EVC2: variants seen among roughly 807,000 people sequenced by gnomAD.
EVC2 encodes EvC ciliary complex subunit 2.
EVC2 carries 148 observed loss-of-function variants against 149.3 expected under a neutral mutation model. The observed-to-expected ratio is 0.99, with a 90% CI of 0.87 to 1.14. The LOEUF (loss-of-function observed/expected upper bound fraction) is 1.14. Among genes scored for constraint, EVC2 ranks in the 50% most tolerant of loss-of-function variants. The pLI is 0.00. For missense variants in EVC2, 1,854 were observed against 1,627.3 expected (o/e 1.14, Z -2.40); for synonymous variants, 776 against 649.9 (o/e 1.19, Z -2.95).
chr4:5,551,287 GAC>G (rs1256076039), intron 21 of EVC2, among the ~76,000 whole-genome samples: 1 of 152,236 alleles, frequency 6.6e-6, no homozygotes, highest in East Asian at 1.9e-4. Flanking sequence ...GCCCTTCAAA[GAC>G]ACAGGGGTAG....
the EVC2 span, among the ~76,000 whole-genome samples, chr4:5,531,069 C>T: frequency 1.3e-5 from 2 of 152,134 alleles, no homozygotes; most frequent in African/African-American, 2.4e-5. Context: ...TGTTATTACC[C>T]TCCCAACTTT....
Position 5,625,783 on chromosome 4 carries a change from A to G in EVC2, c.2012T>C (p.Leu671Ser). The G allele has an allele frequency of 1.2e-6, 2 of 1,614,002 alleles. No homozygotes were observed. Among genetic ancestry groups the G allele is most frequent in the East Asian group, 4.5e-5 (2 of 44,860 alleles). Residue 671 changes from leucine (L) to serine (S), a missense_variant, in exon 13 of 22, where the codon TTA (leucine) becomes TCA (serine). By Grantham distance (145) the Leu-to-Ser change is moderately radical. Transcript: ENST00000344408. The surrounding 1 kb of genome is among the most constrained non-coding windows in gnomAD (Gnocchi z 4.0). The stretch of plus-strand genomic sequence containing the variant: ...CAACTCTCGTCTTCTCTTAGTTATT[A>G]ATTTTTGGTGGAGCTTTTTCTTTTC... ...KQEKKKLHQK[L>S]ITKRRRELLQ...
At chr4:5,549,516 G>A (rs1721693833) in intron 21 of EVC2, among the ~76,000 whole-genome samples, 2 of 152,144 alleles carry the variant, frequency 1.3e-5, no homozygotes, top group African/African-American at 2.4e-5. Context: ...TTTTCCAGCT[G>A]ATGTGCTCAT....
chr4:5,577,988 G>A (rs1723036269), intron 17 of EVC2, among the ~76,000 whole-genome samples: 1 of 152,098 alleles, frequency 6.6e-6, no homozygotes, highest in Non-Finnish European at 1.5e-5. Context: ...GAGGAACGGT[G>A]GAACACACAG....
At chr4:5,605,438 CA>C (rs1714311883) in intron 16 of EVC2, among the ~76,000 whole-genome samples, 2 of 152,148 alleles carry the variant, frequency 1.3e-5, no homozygotes, top group African/African-American at 2.4e-5. Flanking sequence ...GTCAGCACCC[CA>C]ACCCCCATGT....
At chr4:5,629,467 T>G (rs1336906332) in intron 11 of EVC2, among the ~76,000 whole-genome samples, 2 of 152,196 alleles carry the variant, frequency 1.3e-5, no homozygotes, top group African/African-American at 4.8e-5. Context: ...AATCCCACTT[T>G]AACCAGAGGC....
intron 8 of EVC2, among the ~76,000 whole-genome samples, chr4:5,664,717 CA>C (rs1214782929): frequency 1.3e-5 from 2 of 152,274 alleles, no homozygotes; most frequent in East Asian, 1.9e-4. Flanking sequence ...GACTAAGCCC[CA>C]GGGCAGGACT....
At chr4:5,660,827 G>A (rs1485145316) in intron 9 of EVC2, among the ~76,000 whole-genome samples, 1 of 152,190 alleles carries the variant, frequency 6.6e-6, no homozygotes, top group South Asian at 2.1e-4. Flanking sequence ...AAATAGTGAG[G>A]AAGCTCAAGT....
chr4:5,673,090 T>A (rs1719756379), intron 7 of EVC2, among the ~76,000 whole-genome samples: 1 of 152,210 alleles, frequency 6.6e-6, no homozygotes, highest in Admixed American at 6.5e-5. Flanking sequence ...CAACACCTAT[T>A]GACTGTAGTA....
At chr4:5,650,636 TATAGAGAGAG>T (rs1237552772) in intron 9 of EVC2, among the ~76,000 whole-genome samples, 368 of 55,548 alleles carry the variant, frequency 6.6e-3, no homozygotes, top group Non-Finnish European at 9.9e-3. Context: ...TATATATATA[TATAGAGAGAG>T]AGAGAGAGAG....
At chr4:5,628,160 T>G (rs1383464583) in intron 12 of EVC2, among the ~76,000 whole-genome samples, 1 of 152,124 alleles carries the variant, frequency 6.6e-6, no homozygotes, top group African/African-American at 2.4e-5. Context: ...TGAGGAAGGT[T>G]TGTGTCAGGC....
intron 16 of EVC2, among the ~76,000 whole-genome samples, chr4:5,608,562 C>T (rs1714579380): frequency 6.6e-6 from 1 of 152,082 alleles, no homozygotes; most frequent in Admixed American, 6.5e-5. Context: ...GAGACAGAGT[C>T]TCGGTCGGTC....
intron 1 of EVC2, among the ~76,000 whole-genome samples, chr4:5,702,567 T>C (rs1180606845): frequency 6.6e-6 from 1 of 152,210 alleles, no homozygotes; most frequent in African/African-American, 2.4e-5. Flanking sequence ...ATCTGAGCTG[T>C]CCAATATGGT....
At position 5,696,782 on chromosome 4, in the gene EVC2, G is replaced by C. The variant is rs1721503614; in HGVS notation, c.283+811C>G. On this transcript the variant is annotated intron_variant, in intron 2 of 21. Transcript: ENST00000344408. This position sits in a 1 kb window ranked among gnomAD's most constrained non-coding sequence, Gnocchi z 4.1. ...CAATGAATTCCTCTTGATGAAATGAGTGTCAGTTGAATTTCGACCACTGAG... is the reference window on the plus strand; with the variant it reads ...CAATGAATTCCTCTTGATGAAATGACTGTCAGTTGAATTTCGACCACTGAG... Among the ~76,000 whole-genome samples, 1 of 152,198 alleles carries C rather than the reference G, an allele frequency of 6.6e-6. No homozygotes were observed. The highest frequency in any genetic ancestry group is 2.4e-5 in the African/African-American group (1 of 41,438).
chr4:5,683,242 G>C (rs946865354), intron 6 of EVC2, among the ~76,000 whole-genome samples: 7 of 152,172 alleles, frequency 4.6e-5, no homozygotes, highest in Non-Finnish European at 8.8e-5. Flanking sequence ...TTTGGAATAC[G>C]TACGGTGCCT....
At chr4:5,544,777 G>T (rs1251452339) in intron 21 of EVC2, among the ~76,000 whole-genome samples, 1 of 152,154 alleles carries the variant, frequency 6.6e-6, no homozygotes, top group Non-Finnish European at 1.5e-5. Flanking sequence ...GACCACCGTT[G>T]GATGCTCAGG....
intron 13 of EVC2, among the ~76,000 whole-genome samples, chr4:5,624,068 C>T (rs1715929343): frequency 6.6e-6 from 1 of 152,130 alleles, no homozygotes; most frequent in Non-Finnish European, 1.5e-5. Context: ...GTCAGCAAAG[C>T]TTTCAAGGAA....
intron 21 of EVC2, among the ~76,000 whole-genome samples, chr4:5,554,369 G>A (rs573722108): frequency 1.1e-4 from 16 of 152,264 alleles, no homozygotes; most frequent in African/African-American, 3.4e-4. Context: ...AAGTAGACTC[G>A]CATAACTTGC....
intron 17 of EVC2, among the ~76,000 whole-genome samples, chr4:5,582,057 G>A (rs1243922670): frequency 1.3e-5 from 2 of 152,210 alleles, no homozygotes; most frequent in Non-Finnish European, 1.5e-5. Flanking sequence ...TTCTGCTGGG[G>A]CAGAGCCCTC....
Sources: gnomAD v4.1 joint callset for allele counts (sites outside exome capture counted in the v4.1 genomes callset) on GRCh38, gnomAD v4.1.1 for gene constraint, Gnocchi (gnomAD v3.1) non-coding constraint, MANE v1.5 for transcripts, NCBI Gene and HGNC (gene_info 2026-07-23, HGNC 2026-07-21) for gene names.